Variants in BRINP3 observed in about 807,000 individuals in gnomAD.
The protein encoded by BRINP3 is BMP/retinoic acid inducible neural specific 3, also known as BMP/retinoic acid-inducible neural-specific protein 3.
A neutral mutation model predicts 71.0 loss-of-function variants in BRINP3; 19 were observed. That is an observed-to-expected ratio of 0.27 (90% CI 0.19 to 0.39). The LOEUF (loss-of-function observed/expected upper bound fraction) is 0.39, where lower values mean the gene tolerates loss of function less well. Among genes scored for constraint, BRINP3 ranks in the 10% least tolerant of loss-of-function variants. BRINP3 has a pLI of 1.00. For synonymous variants in BRINP3, 380 were observed against 337.7 expected (o/e 1.13, Z -1.37); for missense variants, 959 against 940.8 (o/e 1.02, Z -0.25).
intron 7 of BRINP3, among the ~76,000 whole-genome samples, chr1:190,144,961 C>T (rs1241719475): frequency 6.6e-6 from 1 of 152,136 alleles, no homozygotes; most frequent in Non-Finnish European, 1.5e-5. Context: ...TCTTTGCAGA[C>T]AGTCTTGTTT....
chr1:190,426,859 A>G (rs1017303233), intron 2 of BRINP3, among the ~76,000 whole-genome samples: 2 of 151,826 alleles, frequency 1.3e-5, no homozygotes, highest in African/African-American at 4.8e-5. Flanking sequence ...AAGTTACTTA[A>G]CTTTCTTTTA....
chr1:190,128,222 T>A (rs1440606717), intron 7 of BRINP3, among the ~76,000 whole-genome samples: 1 of 151,774 alleles, frequency 6.6e-6, no homozygotes. Context: ...TTTATGTGGT[T>A]GTGGTAAGGT....
intron 4 of BRINP3, among the ~76,000 whole-genome samples, chr1:190,259,069 C>A (rs964712711): frequency 3.3e-5 from 5 of 151,926 alleles, no homozygotes; most frequent in Admixed American, 6.6e-5. Context: ...ACCAAAAACT[C>A]AAGGAAGAAT....
chr1:190,124,704 G>A (rs1653950066), intron 7 of BRINP3, among the ~76,000 whole-genome samples: 1 of 151,996 alleles, frequency 6.6e-6, no homozygotes, highest in African/African-American at 2.4e-5. Context: ...AAAATATTTT[G>A]AATCATATCA....
rs563164118 is a variant in BRINP3 at position 190,325,615 on chromosome 1, A to C, written c.237-43865T>G. On this transcript the variant is annotated intron_variant, in intron 2 of 7. Coordinates refer to ENST00000367462, the MANE Select transcript of BRINP3 (RefSeq NM_199051.3). ...CAAGGGTTGACAGAAAGCCTGGACC[A>C]CTCGATAAGGTTGTCTTGAGTTACT... Among the ~76,000 whole-genome samples, 13 of 152,136 alleles carry C rather than the reference A, an allele frequency of 8.5e-5. No individual in the cohort carries two copies. In the East Asian group the frequency reaches 2.3e-3, roughly 27 times the overall value.
rs10920723 is a variant in BRINP3 at position 190,462,679 on chromosome 1, T to C, written c.-50-7739A>G. Among the ~76,000 whole-genome samples, 614 of 152,272 alleles carry C rather than the reference T, an allele frequency of 4.0e-3. 2 individuals are homozygous for C. Among genetic ancestry groups the C allele is most frequent in the African/African-American group, 0.014 (595 of 41,566 alleles). ...TACCAAGCATTTCACGAAATTTTCTTATTTCAGTTCTCAGCAGCACAGTGT... is the reference window on the plus strand; with the variant it reads ...TACCAAGCATTTCACGAAATTTTCTCATTTCAGTTCTCAGCAGCACAGTGT... On this transcript the variant is annotated intron_variant, in intron 1 of 7. Coordinates refer to ENST00000367462, the MANE Select transcript of BRINP3 (RefSeq NM_199051.3).
At chr1:190,379,315 C>T (rs1217309117) in intron 2 of BRINP3, among the ~76,000 whole-genome samples, 4 of 152,100 alleles carry the variant, frequency 2.6e-5, no homozygotes, top group African/African-American at 9.7e-5. Context: ...GTATAAAAGG[C>T]ACATTGAGAT....
At chr1:190,399,428 A>G (rs1200346112) in intron 2 of BRINP3, among the ~76,000 whole-genome samples, 2 of 152,012 alleles carry the variant, frequency 1.3e-5, no homozygotes, top group East Asian at 3.9e-4. Context: ...ATGGCTTCAA[A>G]CTAAAAATGA....
At chr1:190,278,129 G>A (rs889952607) in intron 3 of BRINP3, among the ~76,000 whole-genome samples, 2 of 151,542 alleles carry the variant, frequency 1.3e-5, no homozygotes, top group Non-Finnish European at 3.0e-5. Context: ...CATTTTTCAT[G>A]TATTTCTTTT....
intron 6 of BRINP3, among the ~76,000 whole-genome samples, chr1:190,171,453 C>T (rs991285985): frequency 2.0e-5 from 3 of 152,056 alleles, no homozygotes; most frequent in African/African-American, 7.2e-5. Context: ...TTAATTTTTG[C>T]ATTAGTTTTT....
At chr1:190,141,555 C>CTTTTTTTTTTTTT (rs35090212) in intron 7 of BRINP3, among the ~76,000 whole-genome samples, 22 of 82,378 alleles carry the variant, frequency 2.7e-4, no homozygotes, top group South Asian at 5.4e-4. Flanking sequence ...TCTTTCTTTC[C>CTTTTTTTTTTTTT]TTTTTTTTTT....
chr1:190,397,761 AT>A (rs1344251077), intron 2 of BRINP3, among the ~76,000 whole-genome samples: 1 of 151,822 alleles, frequency 6.6e-6, no homozygotes, highest in Non-Finnish European at 1.5e-5. Flanking sequence ...AAATTAAATA[AT>A]TTTAATTATT....
intron 6 of BRINP3, among the ~76,000 whole-genome samples, chr1:190,218,061 C>T (rs188721632): frequency 1.3e-4 from 19 of 151,804 alleles, no homozygotes; most frequent in African/African-American, 4.1e-4. Context: ...TTAAATTACA[C>T]GAATACAGAA....
At chr1:190,461,165 T>G (rs1676372616) in intron 1 of BRINP3, among the ~76,000 whole-genome samples, 2 of 152,214 alleles carry the variant, frequency 1.3e-5, no homozygotes, top group African/African-American at 2.4e-5. Context: ...TATCTTTCCT[T>G]GCTTAACTCT....
intron 7 of BRINP3, among the ~76,000 whole-genome samples, chr1:190,125,534 C>G (rs567480053): frequency 6.6e-6 from 1 of 152,020 alleles, no homozygotes; most frequent in Non-Finnish European, 1.5e-5. Flanking sequence ...ATTGAGATAG[C>G]TATTCAGAAT....
At chr1:190,287,186 A>G (rs572701090) in intron 2 of BRINP3, among the ~76,000 whole-genome samples, 1 of 152,278 alleles carries the variant, frequency 6.6e-6, no homozygotes, top group African/African-American at 2.4e-5. Context: ...AAATTGTGCC[A>G]CTGTACCCCA....
chr1:190,255,115 G>C (rs1660537528), intron 4 of BRINP3, among the ~76,000 whole-genome samples: 1 of 152,126 alleles, frequency 6.6e-6, no homozygotes, highest in African/African-American at 2.4e-5. Context: ...TGCATCCCAG[G>C]GTGAAGCTGA....
chr1:190,319,785 A>AC (rs1237544311), intron 2 of BRINP3, among the ~76,000 whole-genome samples: 1 of 151,938 alleles, frequency 6.6e-6, no homozygotes, highest in Non-Finnish European at 1.5e-5. Context: ...CTCCCAGCAG[A>AC]CCCCACCTCC....
chr1:190,290,229 A>T (rs377354725), intron 2 of BRINP3, among the ~76,000 whole-genome samples: 1 of 152,046 alleles, frequency 6.6e-6, no homozygotes, highest in East Asian at 1.9e-4. Flanking sequence ...CGTATGTAAA[A>T]ACCTACTCCC....
Sources: allele counts gnomAD v4.1 joint callset (sites outside exome capture counted in the v4.1 genomes callset), GRCh38; gene constraint gnomAD v4.1.1; transcripts MANE v1.5; gene names NCBI Gene and HGNC (gene_info 2026-07-23, HGNC 2026-07-21).